PCDHGA3: variants seen among roughly 807,000 people sequenced by gnomAD.
PCDHGA3 encodes protocadherin gamma-A3.
Under a neutral mutation model 58.5 loss-of-function variants are expected in PCDHGA3, and 40 were observed. The observed-to-expected ratio is 0.68, with a 90% CI of 0.53 to 0.89. The LOEUF is 0.89. Ranked by LOEUF, PCDHGA3 falls within the 40% of genes least tolerant of loss-of-function variation. The pLI, the probability that PCDHGA3 is intolerant of heterozygous loss-of-function variation, is 0.00. For synonymous variants in PCDHGA3, 530 were observed against 525.7 expected (o/e 1.01, Z -0.11); for missense variants, 1,223 against 1,195.9 (o/e 1.02, Z -0.33).
At chr5:141,509,782 C>A (rs2099878218) in intron 3 of PCDHGA3, among the ~76,000 whole-genome samples, 1 of 152,144 alleles carries the variant, frequency 6.6e-6, no homozygotes, top group Admixed American at 6.5e-5. Context: ...TCCCCGAGAT[C>A]ATCATCTCCT....
chr5:141,425,486 C>T (rs2096878743), intron 1 of PCDHGA3, among the ~76,000 whole-genome samples: 1 of 152,236 alleles, frequency 6.6e-6, no homozygotes, highest in African/African-American at 2.4e-5. Context: ...TGGCAACCTA[C>T]TAGGCTATAC....
chr5:141,399,617 TGGCCTCTTACGTGTCCATGAGC>T, intron 1 of PCDHGA3: 4 of 1,613,944 alleles, frequency 2.5e-6, no homozygotes. Flanking sequence ...CCTCTGGCAC[TGGCCTCTTACGTGTCCATGAGC>T]GCGCAAAGTG....
In PCDHGA3 at chr5:141,365,449, T is replaced by C. The variant is rs546328235; in HGVS notation, c.2424+18992T>C. The C allele has an allele frequency of 6.1e-5, 99 of 1,614,052 alleles. 1 individual carries two copies. The East Asian group carries it at 2.2e-3, about 35-fold the overall frequency. On this transcript the variant is annotated intron_variant, in intron 1 of 3. Transcript: ENST00000253812. Reference sequence around the variant, plus strand: ...TAATCGCGCTGTTTAGCGTACATGATGGTGATTCTGGAGAAAATGGTGAGA... The same window carrying C: ...TAATCGCGCTGTTTAGCGTACATGACGGTGATTCTGGAGAAAATGGTGAGA...
chr5:141,422,780 T>C, intron 1 of PCDHGA3: 2 of 1,614,140 alleles, frequency 1.2e-6, no homozygotes, highest in Non-Finnish European at 1.7e-6. Context: ...CTCTATGCCC[T>C]ACAATCCTTC....
intron 1 of PCDHGA3, chr5:141,408,869 A>G (rs754873472): frequency 1.9e-6 from 3 of 1,613,572 alleles, no homozygotes; most frequent in African/African-American, 2.7e-5. Flanking sequence ...CCCACCAAGA[A>G]GTGCCACCGC....
At chr5:141,509,335 G>T (rs113423267) in intron 3 of PCDHGA3, among the ~76,000 whole-genome samples, 106 of 152,262 alleles carry the variant, frequency 7.0e-4, no homozygotes, top group African/African-American at 2.4e-3. Context: ...CTGCCAGCTG[G>T]GCCTGGGCTG....
intron 1 of PCDHGA3, chr5:141,351,696 C>A: frequency 6.2e-7 from 1 of 1,613,976 alleles, no homozygotes; most frequent in East Asian, 2.2e-5. Flanking sequence ...GATTTGGGAC[C>A]CAACGGCAGA....
At position 141,355,951 on chromosome 5, in the gene PCDHGA3, G is replaced by T. The variant is rs1178682642; in HGVS notation, c.2424+9494G>T. 4 of 1,613,916 alleles carry T rather than the reference G, an allele frequency of 2.5e-6. No homozygotes were observed. In the South Asian group the frequency reaches 4.4e-5, roughly 18 times the overall value. On this transcript the variant is annotated intron_variant, in intron 1 of 3. Transcript: ENST00000253812. ...CACTCAGCCCGAGTACCACGTAAGT[G>T]TTCGTGAGAACGTTCCTGTAGGCAC...
chr5:141,345,886 C>T lies in PCDHGA3; in HGVS notation c.1853C>T (p.Ser618Leu), dbSNP rs569851856. 8.7e-6 allele frequency: 14 copies of T among 1,613,424 alleles called. No individual in the cohort carries two copies. The East Asian group carries it at 1.6e-4, about 18-fold the overall frequency. Residue 618 changes from serine to leucine, a missense_variant, in exon 1 of 4, where the codon TCG becomes TTG. Coordinates refer to ENST00000253812, the MANE Select transcript of PCDHGA3 (RefSeq NM_018916.4). ...AAGGCCAGCGAGCCGGGACTCTTCT[C>T]GGTGGGTCTGCACACGGGCGAGGTG... is the stretch of plus-strand genomic sequence containing the variant. The part of the protein sequence containing the change: ...LLKASEPGLF[S>L]VGLHTGEVRT...
intron 1 of PCDHGA3, chr5:141,365,209 A>G: frequency 2.5e-6 from 4 of 1,613,922 alleles, no homozygotes; most frequent in Non-Finnish European, 3.4e-6. Flanking sequence ...AGACTTTCCA[A>G]CTTGATTCCA....
At chr5:141,509,096 T>C (rs1364889034) in intron 3 of PCDHGA3, among the ~76,000 whole-genome samples, 1 of 152,124 alleles carries the variant, frequency 6.6e-6, no homozygotes, top group African/African-American at 2.4e-5. Context: ...ATGGGGGCTG[T>C]AGAAACCTGA....
chr5:141,472,733 C>T (rs1450872513), intron 1 of PCDHGA3, among the ~76,000 whole-genome samples: 2 of 151,996 alleles, frequency 1.3e-5, no homozygotes, highest in Non-Finnish European at 2.9e-5. Context: ...CACCTGTAAT[C>T]CCAGCACTTT....
intron 1 of PCDHGA3, among the ~76,000 whole-genome samples, chr5:141,401,533 CA>C: frequency 6.6e-6 from 1 of 151,790 alleles, no homozygotes; most frequent in East Asian, 1.9e-4. Flanking sequence ...AAGAAACTTA[CA>C]AAAAAAAGGA....
chr5:141,400,736 G>A, intron 1 of PCDHGA3: 1 of 630,462 alleles, frequency 1.6e-6, no homozygotes, highest in Non-Finnish European at 2.7e-6. Context: ...AGTAGTGAGA[G>A]TTTGCTCTTA....
At chr5:141,475,657 C>T (rs2099366732) in intron 1 of PCDHGA3, among the ~76,000 whole-genome samples, 1 of 152,204 alleles carries the variant, frequency 6.6e-6, no homozygotes, top group Non-Finnish European at 1.5e-5. Flanking sequence ...GAAAGTGATT[C>T]AAATGTTTAA....
At chr5:141,418,349 A>G in intron 1 of PCDHGA3, 1 of 1,614,016 alleles carries the variant, frequency 6.2e-7, no homozygotes, top group South Asian at 1.1e-5. Context: ...TGATATTAGT[A>G]TGAATTCGCT....
intron 1 of PCDHGA3, among the ~76,000 whole-genome samples, chr5:141,347,637 A>C (rs1050531280): frequency 7.2e-5 from 11 of 152,108 alleles, no homozygotes; most frequent in African/African-American, 2.7e-4. Flanking sequence ...AAATACAAAA[A>C]TTAGCTGGGC....
Position 141,486,824 on chromosome 5 carries a change from G to A in PCDHGA3, c.2425-7983G>A, listed in dbSNP as rs749609525. On this transcript the variant is annotated intron_variant, in intron 1 of 3. Coordinates refer to ENST00000253812, the MANE Select transcript of PCDHGA3 (RefSeq NM_018916.4). The surrounding 1 kb of genome is among the most constrained non-coding windows in gnomAD (Gnocchi z 5.0). ...CCCACCCCTTAGCAGCACTGTAACA[G>A]TTCGTCTATTTGTGCTGGACCTCAA... is the stretch of plus-strand genomic sequence containing the variant. 1 of 1,614,218 alleles carries A rather than the reference G, an allele frequency of 6.2e-7. No homozygotes were observed. Among genetic ancestry groups the A allele is most frequent in the Non-Finnish European group, 8.5e-7 (1 of 1,180,028 alleles).
intron 1 of PCDHGA3, chr5:141,367,617 A>T: frequency 6.6e-6 from 1 of 152,160 alleles, no homozygotes; most frequent in East Asian, 1.9e-4. Context: ...AACATGTAGC[A>T]TTCTAAAGTC....
Sources: allele counts gnomAD v4.1 joint callset (sites outside exome capture counted in the v4.1 genomes callset), GRCh38; gene constraint gnomAD v4.1.1; non-coding constraint Gnocchi (gnomAD v3.1); transcripts MANE v1.5; gene names NCBI Gene and HGNC (gene_info 2026-07-23, HGNC 2026-07-21).